Variants in ABCC6 observed in about 807,000 individuals in gnomAD.
ABCC6 encodes the protein ATP binding cassette subfamily C member 6.
Under a neutral mutation model 169.5 loss-of-function variants are expected in ABCC6, and 126 were observed. The ratio of observed to expected loss-of-function variants is 0.74; its 90% CI spans 0.64 to 0.86. The LOEUF is 0.86. ABCC6 is among the 40% of genes least tolerant of loss of function. The probability of loss-of-function intolerance (pLI) is 0.00; values close to 1 mark genes in which losing one functional copy is unlikely to be tolerated. For synonymous variants in ABCC6, 752 were observed against 814.7 expected (o/e 0.92, Z 1.31); for missense variants, 1,733 against 1,927.2 (o/e 0.90, Z 1.89).
chr16:16,216,554 C>G (rs1277056438), intron 4 of ABCC6, among the ~76,000 whole-genome samples: 1 of 152,040 alleles, frequency 6.6e-6, no homozygotes, highest in Admixed American at 6.6e-5. Flanking sequence ...TGTATATATA[C>G]CACATTTTCT....
chr16:16,177,634 G>T lies in ABCC6; in HGVS notation c.2416-8C>A. ...CGTCACGAGAATCCGTGTCTGGGCA[G>T]GGAAGGGGTAGAAGTTACACACATG... On this transcript the variant is annotated splice_polypyrimidine_tract_variant and splice_region_variant and intron_variant, in intron 18 of 30. Transcript: ENST00000205557. 2.5e-6 allele frequency: 4 copies of T among 1,614,154 alleles called. No homozygotes were observed. Among genetic ancestry groups the T allele is most frequent in the Non-Finnish European group, 3.4e-6 (4 of 1,180,036 alleles).
At chr16:16,162,809 T>C (rs2046760265) in intron 24 of ABCC6, among the ~76,000 whole-genome samples, 184 bp downstream of exon 24, 1 of 152,200 alleles carries the variant, frequency 6.6e-6, no homozygotes, top group African/African-American at 2.4e-5. Flanking sequence ...CCACCTGCTG[T>C]TGAGAATCTC....
Position 16,150,562 on chromosome 16 carries a change from G to C in ABCC6, c.4403+16C>G, listed in dbSNP as rs765531398. 6.2e-7 allele frequency: 1 copy of C among 1,604,230 alleles called. No homozygotes were observed. The highest frequency in any genetic ancestry group is 8.5e-7 in the Non-Finnish European group (1 of 1,173,550). ...TGCAGGGCTGCTGTGAGGTCAGGCC[G>C]GGGCGGGAGCCTTACCGGGCACAGT... On this transcript the variant is annotated intron_variant, in intron 30 of 30. Transcript: ENST00000205557.
chr16:16,190,844 G>A (rs1026018414), intron 11 of ABCC6, among the ~76,000 whole-genome samples: 3 of 144,814 alleles, frequency 2.1e-5, no homozygotes, highest in African/African-American at 7.6e-5. Context: ...CAGGAAGTGC[G>A]TGCTGAGCAG....
chr16:16,203,210 G>A (rs998709286), intron 8 of ABCC6, among the ~76,000 whole-genome samples, 200 bp downstream of exon 8: 1 of 152,248 alleles, frequency 6.6e-6, no homozygotes, highest in African/African-American at 2.4e-5. Context: ...TCAGGTAAGA[G>A]CTTGCTTATT....
At chr16:16,180,595 C>T (rs1033180005) in intron 17 of ABCC6, among the ~76,000 whole-genome samples, 3 of 152,102 alleles carry the variant, frequency 2.0e-5, no homozygotes, top group East Asian at 3.9e-4. Flanking sequence ...TGGGTTCAAG[C>T]GATTCTCCTG....
intron 22 of ABCC6, among the ~76,000 whole-genome samples, chr16:16,166,431 T>TTA (rs1049588346): frequency 2.6e-5 from 4 of 151,760 alleles, no homozygotes; most frequent in African/African-American, 9.7e-5. Flanking sequence ...TGACTGCCAT[T>TTA]TATATAAGAA....
intron 4 of ABCC6, among the ~76,000 whole-genome samples, chr16:16,216,569 C>G (rs895536673): frequency 1.3e-5 from 2 of 152,110 alleles, no homozygotes; most frequent in African/African-American, 4.8e-5. Flanking sequence ...TTTTCTTTAT[C>G]AGTTCGTCTG....
chr16:16,211,600 C>G (rs1046952099), intron 6 of ABCC6, among the ~76,000 whole-genome samples: 1 of 152,062 alleles, frequency 6.6e-6, no homozygotes, highest in Non-Finnish European at 1.5e-5. Context: ...AGTGGTAGGG[C>G]CAGGATTCAA....
In ABCC6 at chr16:16,149,977, T is replaced by C. The variant is rs1319312837; in HGVS notation, c.*156A>G. On this transcript the variant is annotated 3_prime_UTR_variant, in exon 31 of 31. Transcript: ENST00000205557. ...TCCTTCCGGCTCTGATGCTCTGTGATAATTGGCCACTTTCTCTGCCATTTT... is the reference window on the plus strand; with the variant it reads ...TCCTTCCGGCTCTGATGCTCTGTGACAATTGGCCACTTTCTCTGCCATTTT... 4 of 1,171,358 alleles carry C rather than the reference T, an allele frequency of 3.4e-6. No individual in the cohort carries two copies. The highest frequency in any genetic ancestry group is 4.9e-6 in the Non-Finnish European group (4 of 808,580). 72.6% of individuals were successfully genotyped at this position (1,171,358 alleles called of 1,614,324 possible).
In ABCC6 at chr16:16,221,710, A is replaced by G; in HGVS notation, c.158T>C (p.Leu53Pro). The change falls in exon 2 of 31, where the codon CTC (leucine) becomes CCC (proline). Residue 53 changes from leucine to proline, a missense_variant. By Grantham distance (98) the Leu-to-Pro change is moderately conservative. Transcript: ENST00000205557. ...YLWVLGPIYLLFIHHHGRGYL... is the reference protein window; with the variant it reads ...YLWVLGPIYLPFIHHHGRGYL... The stretch of plus-strand genomic sequence containing the variant: ...GCCCCGGCCATGGTGGTGGATGAAG[A>G]GGAGGTAGATGGGACCAAGGACCCA... The G allele has an allele frequency of 4.3e-6, 7 of 1,613,866 alleles. No homozygotes were observed. Among genetic ancestry groups the G allele is most frequent in the Non-Finnish European group, 5.9e-6 (7 of 1,179,840 alleles).
chr16:16,157,782 C>T lies in ABCC6; in HGVS notation c.3763G>A (p.Ala1255Thr), dbSNP rs2046598474. ...EAPWRLPTCA[A>T]QPPWPQGGQI... ...CCGCCCTGAGGCCAGGGGGGCTGAG[C>T]TGCACATGTGGGCAGCCTCCAGGGA... Residue 1255 changes from alanine to threonine, a missense_variant, in exon 27 of 31, where the codon GCT (alanine) becomes ACT (threonine). By Grantham distance (58) the Ala-to-Thr change is moderately conservative. Transcript: ENST00000205557. 6.2e-7 allele frequency: 1 copy of T among 1,613,014 alleles called. No homozygotes were observed. The highest frequency in any genetic ancestry group is 1.7e-5 in the Admixed American group (1 of 59,998).
chr16:16,163,776 A>G (rs2046799335), intron 23 of ABCC6, among the ~76,000 whole-genome samples: 1 of 152,158 alleles, frequency 6.6e-6, no homozygotes, highest in Non-Finnish European at 1.5e-5. Flanking sequence ...TGAACACCCA[A>G]CTGTATGTGC....
chr16:16,150,563 G>T lies in ABCC6; in HGVS notation c.4403+15C>A. 1 of 1,604,836 alleles carries T rather than the reference G, an allele frequency of 6.2e-7. No homozygotes were observed. The highest frequency in any genetic ancestry group is 8.5e-7 in the Non-Finnish European group (1 of 1,173,970). On this transcript the variant is annotated intron_variant, in intron 30 of 30. Transcript: ENST00000205557. ...GCAGGGCTGCTGTGAGGTCAGGCCGGGGCGGGAGCCTTACCGGGCACAGTC... is the reference window on the plus strand; with the variant it reads ...GCAGGGCTGCTGTGAGGTCAGGCCGTGGCGGGAGCCTTACCGGGCACAGTC...
intron 11 of ABCC6, among the ~76,000 whole-genome samples, chr16:16,191,173 T>G (rs1023897660): frequency 6.6e-6 from 1 of 152,108 alleles, no homozygotes; most frequent in African/African-American, 2.4e-5. Flanking sequence ...TGGAGTGCAG[T>G]GGTGTGGTCT....
At position 16,184,198 on chromosome 16, in the gene ABCC6, CAAAAAAAAAAAAAAAAAA is replaced by C. The variant is rs56071235; in HGVS notation, c.1943+743_1943+760del. ...CGCGTGATAGAGCAAGACTCCGTTT[CAAAAAAAAAAAAAAAAAA>C]AAAAAAAAAAAGAACAGCTCTTCTC... On this transcript the variant is annotated intron_variant, in intron 15 of 30. Coordinates refer to ENST00000205557, the MANE Select transcript of ABCC6 (RefSeq NM_001171.6). 5.6e-5 allele frequency: 4 copies of C among 71,944 alleles called. 1 individual carries two copies. The highest frequency in any genetic ancestry group is 3.9e-4 in the Admixed American group (2 of 5,110). 4.5% of individuals were successfully genotyped at this position (71,944 alleles called of 1,614,324 possible).
intron 8 of ABCC6, among the ~76,000 whole-genome samples, chr16:16,202,857 C>A (rs2048287392): frequency 6.6e-6 from 1 of 152,164 alleles, no homozygotes; most frequent in Non-Finnish European, 1.5e-5. Context: ...CCGGCTTTGG[C>A]CAACAGAGTA....
chr16:16,198,831 C>A (rs2048143235), intron 9 of ABCC6, among the ~76,000 whole-genome samples: 1 of 151,438 alleles, frequency 6.6e-6, no homozygotes, highest in Middle Eastern at 3.4e-3. Flanking sequence ...CTGTCTCTAC[C>A]AAAAATACAA....
intron 10 of ABCC6, among the ~76,000 whole-genome samples, chr16:16,196,983 T>C (rs1452240075): frequency 6.6e-6 from 1 of 152,200 alleles, no homozygotes; most frequent in Non-Finnish European, 1.5e-5. Flanking sequence ...TGAGCCACTG[T>C]GCCTGGCCCA....
Sources: gnomAD v4.1 joint callset for allele counts (sites outside exome capture counted in the v4.1 genomes callset) on GRCh38, gnomAD v4.1.1 for gene constraint, MANE v1.5 for transcripts, NCBI Gene and HGNC (gene_info 2026-07-23, HGNC 2026-07-21) for gene names.